The following ASAP1 variants were observed in gnomAD, a reference collection of about 807,000 sequenced individuals.
ASAP1 encodes the protein arf-GAP with SH3 domain, ANK repeat and PH domain-containing protein 1.
ASAP1 carries 43 observed loss-of-function variants against 145.2 expected under a neutral mutation model. That is an observed-to-expected ratio of 0.30 (90% CI 0.23 to 0.38). The LOEUF is 0.38. ASAP1 is among the 10% of genes least tolerant of loss of function. The probability of loss-of-function intolerance (pLI) is 1.00; values close to 1 mark genes in which losing one functional copy is unlikely to be tolerated. For synonymous variants in ASAP1, 546 were observed against 515.5 expected (o/e 1.06, Z -0.80); for missense variants, 1,018 against 1,355.3 (o/e 0.75, Z 3.91).
chr8:130,105,605 T>C (rs774971152), intron 24 of ASAP1, among the ~76,000 whole-genome samples: 1 of 152,228 alleles, frequency 6.6e-6, no homozygotes, highest in Admixed American at 6.5e-5. Context: ...GTTTTCATAG[T>C]ATAAAGCTTA....
At chr8:130,152,865 G>T (rs990353182) in intron 12 of ASAP1, 60 bp from the exon 13 acceptor site, 9 of 1,144,820 alleles carry the variant, frequency 7.9e-6, no homozygotes, top group Middle Eastern at 4.2e-4. Flanking sequence ...GACATGCGAC[G>T]ATACAGTATG....
intron 5 of ASAP1, among the ~76,000 whole-genome samples, chr8:130,212,697 C>T (rs1816660130): frequency 6.6e-6 from 1 of 152,290 alleles, no homozygotes; most frequent in Non-Finnish European, 1.5e-5. Flanking sequence ...CAATAAATCT[C>T]AGATGGTTTT....
rs573022603 is a variant in ASAP1, at chr8:130,273,996, T to G, written c.187-37002A>C. 2.0e-5 allele frequency among the ~76,000 whole-genome samples: 3 copies of G among 152,322 alleles called. No individual in the cohort carries two copies. In the South Asian group the frequency reaches 6.2e-4, roughly 32 times the overall value. ...ACGAGAAAAGTAAAGAGACCTGAGT[T>G]CTAGCCTTGGCTCAGCTACTAACTG... is the stretch of plus-strand genomic sequence containing the variant. On this transcript the variant is annotated intron_variant, in intron 3 of 29. Transcript: ENST00000518721.
At chr8:130,187,510 G>C (rs1360284879) in intron 6 of ASAP1, among the ~76,000 whole-genome samples, 1 of 151,276 alleles carries the variant, frequency 6.6e-6, no homozygotes, top group Non-Finnish European at 1.5e-5. Context: ...TGAACTCCCA[G>C]GCTCAATTGA....
chr8:130,131,817 A>G (rs1337330952), intron 15 of ASAP1, among the ~76,000 whole-genome samples: 1 of 152,156 alleles, frequency 6.6e-6, no homozygotes, highest in Non-Finnish European at 1.5e-5. Context: ...ACAAAACTGC[A>G]AAGTGCAAAA....
chr8:130,134,194 G>T, intron 15 of ASAP1, 102 bp downstream of exon 15: 1 of 871,958 alleles, frequency 1.1e-6, no homozygotes, highest in Non-Finnish European at 1.7e-6. Context: ...GGAGCCACCA[G>T]GCGAGGTTCT....
chr8:130,139,790 AT>A (rs1358095347), intron 13 of ASAP1, among the ~76,000 whole-genome samples: 1 of 151,810 alleles, frequency 6.6e-6, no homozygotes, highest in Non-Finnish European at 1.5e-5. Context: ...AAATTTAGTA[AT>A]TTTTAGACAC....
In ASAP1 at chr8:130,081,568, G is replaced by A. The variant is rs934682528; in HGVS notation, c.2573-1597C>T. 3.0e-5 allele frequency among the ~76,000 whole-genome samples: 4 copies of A among 135,134 alleles called. No individual in the cohort carries two copies. In the East Asian group the frequency reaches 8.7e-4, roughly 29 times the overall value. 88.7% of individuals were successfully genotyped at this position (135,134 alleles called of 152,430 possible). A position where few individuals can be genotyped will look rare whatever the true frequency, so the allele number is the denominator to read the frequency against. On this transcript the variant is annotated intron_variant, in intron 25 of 29. Transcript: ENST00000518721. ...GCTGAGGAGGCTGAGCACCAGGAGG[G>A]CAGATGAAGAGGGCAGGGCTGAAAA... is the stretch of plus-strand genomic sequence containing the variant.
chr8:130,077,365 ATTTTTC>A (rs1263293171), intron 26 of ASAP1, among the ~76,000 whole-genome samples: 1 of 152,022 alleles, frequency 6.6e-6, no homozygotes, highest in Non-Finnish European at 1.5e-5. Flanking sequence ...GGAAGCCACT[ATTTTTC>A]TTTAACAAGA....
At chr8:130,216,187 T>C (rs1221598068) in intron 4 of ASAP1, among the ~76,000 whole-genome samples, 2 of 152,220 alleles carry the variant, frequency 1.3e-5, no homozygotes, top group Non-Finnish European at 2.9e-5. Context: ...TTTCTTTCCC[T>C]GCAACTAATC....
chr8:130,157,905 T>C (rs886431628), intron 12 of ASAP1, among the ~76,000 whole-genome samples: 76 of 152,240 alleles, frequency 5.0e-4, no homozygotes, highest in African/African-American at 1.5e-3. Flanking sequence ...ATCTACCATA[T>C]ATTGAGTATT....
chr8:130,188,227 T>C (rs1341413198), intron 5 of ASAP1, 44 bp from the exon 6 acceptor site: 1 of 1,483,026 alleles, frequency 6.7e-7, no homozygotes, highest in Non-Finnish European at 9.4e-7. Flanking sequence ...AAAAATAAAG[T>C]CCACATGAAC....
chr8:130,379,689 T>C (rs1052789383), intron 2 of ASAP1, among the ~76,000 whole-genome samples: 9 of 152,128 alleles, frequency 5.9e-5, no homozygotes, highest in East Asian at 1.9e-4. Flanking sequence ...AAAGAAGACA[T>C]TGCACCTGGA....
intron 3 of ASAP1, among the ~76,000 whole-genome samples, chr8:130,342,540 T>C (rs957683899): frequency 6.6e-6 from 1 of 152,080 alleles, no homozygotes; most frequent in Admixed American, 6.5e-5. Flanking sequence ...AGAGGCCCAA[T>C]ATACCCAGAA....
intron 2 of ASAP1, among the ~76,000 whole-genome samples, chr8:130,383,310 T>G (rs1030882906): frequency 1.3e-4 from 20 of 152,142 alleles, no homozygotes; most frequent in African/African-American, 4.8e-4. Flanking sequence ...TGAGCGTGGG[T>G]GCATGTCCAC....
chr8:130,325,253 G>A (rs1824254961), intron 3 of ASAP1, among the ~76,000 whole-genome samples: 3 of 152,152 alleles, frequency 2.0e-5, no homozygotes, highest in Admixed American at 2.0e-4. Context: ...TGAACAAATT[G>A]GAGAAAGAAT....
At chr8:130,111,997 G>T in intron 24 of ASAP1, 97 bp downstream of exon 24, 1 of 1,174,548 alleles carries the variant, frequency 8.5e-7, no homozygotes, top group Non-Finnish European at 1.2e-6. Context: ...AATGTACCTT[G>T]CAATTCTTAC....
intron 3 of ASAP1, among the ~76,000 whole-genome samples, chr8:130,300,113 T>TAC (rs373589102): frequency 0.063 from 4,551 of 72,530 alleles, 162 homozygotes; most frequent in Admixed American, 0.075. Context: ...AAAAGAAAAA[T>TAC]ACACACACAC....
intron 3 of ASAP1, among the ~76,000 whole-genome samples, chr8:130,335,682 C>T (rs981903979): frequency 5.3e-5 from 8 of 152,154 alleles, no homozygotes; most frequent in African/African-American, 1.9e-4. Flanking sequence ...ATCAAGAGTA[C>T]AGCAGCCCTG....
Sources: allele counts gnomAD v4.1 joint callset (sites outside exome capture counted in the v4.1 genomes callset), GRCh38; gene constraint gnomAD v4.1.1; transcripts MANE v1.5; gene names NCBI Gene and HGNC (gene_info 2026-07-23, HGNC 2026-07-21).